The following STX17 variants were observed in gnomAD, a reference collection of about 807,000 sequenced individuals.
The protein encoded by STX17 is syntaxin 17.
STX17 carries 29 observed loss-of-function variants against 35.9 expected under a neutral mutation model. That is an observed-to-expected ratio of 0.81 (90% CI 0.60 to 1.10). STX17 has a LOEUF of 1.10. Among genes scored for constraint, STX17 ranks in the 50% least tolerant of loss-of-function variants. STX17 has a pLI of 0.00. For missense variants in STX17, 312 were observed against 352.3 expected, an observed-to-expected ratio of 0.89 and a Z score of 0.92; for synonymous variants, 92 against 118.3, an observed-to-expected ratio of 0.78 and a Z score of 1.44.
rs936163183 is a variant in STX17 at position 99,949,942 on chromosome 9, T to C, written c.190-1118T>C. Among the ~76,000 whole-genome samples, 5 of 149,184 alleles carry C rather than the reference T, an allele frequency of 3.4e-5. No homozygotes were observed. In the East Asian group the frequency reaches 5.9e-4, roughly 18 times the overall value. ...CAAACTGTGTACATGCACACATGTATACACACACACACACACACACACACT... is the reference window on the plus strand; with the variant it reads ...CAAACTGTGTACATGCACACATGTACACACACACACACACACACACACACT... On this transcript the variant is annotated intron_variant, in intron 3 of 7. Coordinates refer to ENST00000259400, the MANE Select transcript of STX17 (RefSeq NM_017919.3).
At chr9:99,907,541 A>C (rs1052580844) in intron 1 of STX17, 15 of 152,218 alleles carry the variant, frequency 9.9e-5, no homozygotes, top group African/African-American at 3.6e-4. Flanking sequence ...TTTGTAAAGC[A>C]CCTGGCACAG....
intron 2 of STX17, among the ~76,000 whole-genome samples, chr9:99,924,543 G>T (rs933575621): frequency 1.3e-5 from 2 of 152,070 alleles, no homozygotes; most frequent in African/African-American, 2.4e-5. Flanking sequence ...AGCATAGTGA[G>T]TTGAGTTACT....
intron 3 of STX17, among the ~76,000 whole-genome samples, chr9:99,938,317 C>T (rs1829279568): frequency 6.6e-6 from 1 of 152,154 alleles, no homozygotes; most frequent in Non-Finnish European, 1.5e-5. Context: ...AACCAGAAGT[C>T]ATCTATTATT....
rs778764378 is a variant in STX17, at chr9:99,928,783, A to G, written c.129A>G (p.Gln43=). The G allele has an allele frequency of 1.9e-6, 3 of 1,613,296 alleles. No individual in the cohort carries two copies. Among genetic ancestry groups the G allele is most frequent in the Non-Finnish European group, 2.5e-6 (3 of 1,179,534 alleles). The part of the protein sequence containing the change: ...RKHQINIEKY[Q]RCRIWDKLHE... ...CCCTTCTTTCTTTTATATAGTATCAAAGGTGCAGAATCTGGGACAAGTTGC... is the reference window on the plus strand; with the variant it reads ...CCCTTCTTTCTTTTATATAGTATCAGAGGTGCAGAATCTGGGACAAGTTGC... Residue 43 remains glutamine (Q), a synonymous_variant, in exon 3 of 8, where the codon CAA becomes CAG. Coordinates refer to ENST00000259400, the MANE Select transcript of STX17 (RefSeq NM_017919.3).
chr9:99,921,769 A>G (rs913006812), intron 2 of STX17, among the ~76,000 whole-genome samples: 1 of 151,968 alleles, frequency 6.6e-6, no homozygotes, highest in Non-Finnish European at 1.5e-5. Context: ...AAGCAGAGAT[A>G]TTTCTGTGAT....
At chr9:99,956,123 A>T (rs190370151) in intron 4 of STX17, among the ~76,000 whole-genome samples, 3 of 152,298 alleles carry the variant, frequency 2.0e-5, no homozygotes, top group Admixed American at 2.0e-4. Flanking sequence ...ATGGAAGAGC[A>T]CAGACCTCTT....
At chr9:99,946,421 T>C (rs547191228) in intron 3 of STX17, among the ~76,000 whole-genome samples, 1 of 152,214 alleles carries the variant, frequency 6.6e-6, no homozygotes, top group Admixed American at 6.5e-5. Flanking sequence ...ACAGATAATA[T>C]CAGTTCCTTA....
Position 99,923,242 on chromosome 9 carries a change from C to G in STX17, c.124-5536C>G, listed in dbSNP as rs138911879. Reference sequence around the variant, plus strand: ...ATTTCACCAGGTAGTGAGCGTAGTACTTGAACATTCACATTTTAATAATTC... The same window carrying G: ...ATTTCACCAGGTAGTGAGCGTAGTAGTTGAACATTCACATTTTAATAATTC... On this transcript the variant is annotated intron_variant, in intron 2 of 7. Transcript: ENST00000259400. Among the ~76,000 whole-genome samples, 1,011 of 152,116 alleles carry G rather than the reference C, an allele frequency of 6.6e-3. 9 individuals carry two copies. The highest frequency in any genetic ancestry group is 0.022 in the African/African-American group (933 of 41,504).
rs745721860 is a variant in STX17 at position 99,915,358 on chromosome 9, A to G, written c.119A>G (p.Glu40Gly). The change falls in exon 2 of 8, where the codon GAG becomes GGG. Residue 40 changes from glutamate (E) to glycine (G), a missense_variant. Glu to Gly is a moderately conservative substitution (Grantham distance 98). Coordinates refer to ENST00000259400, the MANE Select transcript of STX17 (RefSeq NM_017919.3). ...ERLRKHQINI[E>G]KYQRCRIWDK... ...TTAAGAAAGCACCAGATAAATATTG[A>G]GAAGGTGAGCTGTTTCATTTACTAC... 6.3e-7 allele frequency: 1 copy of G among 1,595,690 alleles called. No homozygotes were observed. The highest frequency in any genetic ancestry group is 1.1e-5 in the South Asian group (1 of 87,578).
intron 2 of STX17, among the ~76,000 whole-genome samples, chr9:99,928,556 G>A (rs1829036912): frequency 6.6e-6 from 1 of 151,968 alleles, no homozygotes; most frequent in Non-Finnish European, 1.5e-5. Context: ...CCTGCTTAGT[G>A]GGGTTTTTTT....
chr9:99,942,548 G>A (rs941209442), intron 3 of STX17, among the ~76,000 whole-genome samples: 3 of 152,100 alleles, frequency 2.0e-5, no homozygotes, highest in Non-Finnish European at 2.9e-5. Flanking sequence ...GTGCAGTGGC[G>A]CAATCATAGC....
intron 3 of STX17, among the ~76,000 whole-genome samples, chr9:99,934,245 T>A (rs1829181704): frequency 6.6e-6 from 1 of 152,196 alleles, no homozygotes; most frequent in Non-Finnish European, 1.5e-5. Context: ...TTCATAAGAA[T>A]CTTTAATGAG....
chr9:99,913,090 G>A (rs7027813), intron 1 of STX17, among the ~76,000 whole-genome samples: 104,725 of 151,910 alleles, frequency 0.69, 36,367 homozygotes, highest in African/African-American at 0.72. Context: ...TTATTGCTTT[G>A]TCAGTCTTTT....
chr9:99,963,033 T>G (rs1378834721), intron 6 of STX17, among the ~76,000 whole-genome samples: 1 of 152,162 alleles, frequency 6.6e-6, no homozygotes, highest in Non-Finnish European at 1.5e-5. Flanking sequence ...GAAAAAAGCA[T>G]TTAAAAAACT....
At chr9:99,952,377 A>G (rs2118489319) in intron 4 of STX17, among the ~76,000 whole-genome samples, 1 of 152,274 alleles carries the variant, frequency 6.6e-6, no homozygotes, top group South Asian at 2.1e-4. Context: ...AAGTCAGGAA[A>G]CAACAGGTGC....
intron 6 of STX17, among the ~76,000 whole-genome samples, chr9:99,966,875 G>A (rs1829923011): frequency 6.6e-6 from 1 of 152,220 alleles, no homozygotes; most frequent in Admixed American, 6.5e-5. Flanking sequence ...TGTCAGGAAT[G>A]TTACAGTAGG....
chr9:99,916,504 C>T (rs1828778690), intron 2 of STX17, among the ~76,000 whole-genome samples: 1 of 151,502 alleles, frequency 6.6e-6, no homozygotes, highest in East Asian at 1.9e-4. Flanking sequence ...GTCATTAAGC[C>T]TTTCAATATA....
Position 99,970,188 on chromosome 9 carries a change from C to G in STX17, c.*1515C>G, listed in dbSNP as rs1829995665. 6.6e-6 allele frequency: 1 copy of G among 152,134 alleles called. No individual in the cohort carries two copies. The highest frequency in any genetic ancestry group is 2.4e-5 in the African/African-American group (1 of 41,426). The allele number at this position is 152,134 out of a possible 1,614,324, so 9.4% of individuals were successfully genotyped here. ...GGATTGGATGGTTTATCACTTCTTTCTTTCTGAGTTTACTTTTAGTAACTT... is the reference window on the plus strand; with the variant it reads ...GGATTGGATGGTTTATCACTTCTTTGTTTCTGAGTTTACTTTTAGTAACTT... On this transcript the variant is annotated 3_prime_UTR_variant, in exon 8 of 8. Transcript: ENST00000259400.
chr9:99,954,394 G>A (rs564033856), intron 4 of STX17, among the ~76,000 whole-genome samples: 4 of 151,992 alleles, frequency 2.6e-5, no homozygotes, highest in South Asian at 2.1e-4. Flanking sequence ...TGAGTATTTC[G>A]CCAAGTGTGA....
Sources: gnomAD v4.1 joint callset for allele counts (sites outside exome capture counted in the v4.1 genomes callset) on GRCh38, gnomAD v4.1.1 for gene constraint, MANE v1.5 for transcripts, NCBI Gene and HGNC (gene_info 2026-07-23, HGNC 2026-07-21) for gene names.